TSPAN5: variants seen among roughly 807,000 people sequenced by gnomAD.
TSPAN5 encodes the protein tetraspanin 5, also known as tetraspanin-5.
In TSPAN5, 10 loss-of-function variants were observed where a neutral mutation model predicts 37.1. That is an observed-to-expected ratio of 0.27 (90% CI 0.17 to 0.46). TSPAN5 has a LOEUF of 0.46. Among genes scored for constraint, TSPAN5 ranks in the 20% least tolerant of loss-of-function variants. The pLI is 1.00. For synonymous variants in TSPAN5, 110 were observed against 118.9 expected (o/e 0.93, Z 0.48); for missense variants, 195 against 326.6 (o/e 0.60, Z 3.11).
rs1369407675 is a variant in TSPAN5, at chr4:98,593,925, C to T, written c.81+64221G>A. On this transcript the variant is annotated intron_variant, in intron 1 of 7. Coordinates refer to ENST00000305798, the MANE Select transcript of TSPAN5 (RefSeq NM_005723.4). Reference sequence around the variant, plus strand: ...TAGGATTGACTTGGCAATGTGGGCTCTTTTTTGATTCCATATGAACTTGAA... The same window carrying T: ...TAGGATTGACTTGGCAATGTGGGCTTTTTTTTGATTCCATATGAACTTGAA... 4.8e-5 allele frequency among the ~76,000 whole-genome samples: 3 copies of T among 62,414 alleles called. 1 individual carries two copies. Among genetic ancestry groups the T allele is most frequent in the Non-Finnish European group, 8.6e-5 (3 of 34,758 alleles). The allele number at this position is 62,414 out of a possible 152,430, so 40.9% of individuals were successfully genotyped here.
intron 1 of TSPAN5, among the ~76,000 whole-genome samples, chr4:98,560,886 G>T (rs7667273): frequency 0.13 from 19,230 of 152,210 alleles, 1,418 homozygotes; most frequent in South Asian, 0.24. Context: ...AGTGGCAAAT[G>T]TTGCAAATAT....
chr4:98,527,988 T>C (rs1010440851), intron 1 of TSPAN5, among the ~76,000 whole-genome samples: 11 of 152,216 alleles, frequency 7.2e-5, no homozygotes, highest in African/African-American at 2.7e-4. Flanking sequence ...CTCTTTTCTG[T>C]TGAAAGCATC....
At chr4:98,516,988 T>C (rs1753745225) in intron 1 of TSPAN5, among the ~76,000 whole-genome samples, 2 of 152,188 alleles carry the variant, frequency 1.3e-5, no homozygotes, top group South Asian at 4.1e-4. Flanking sequence ...AGTAAATGTC[T>C]CTTCTTTATA....
At chr4:98,585,912 T>C (rs890323868) in intron 1 of TSPAN5, among the ~76,000 whole-genome samples, 1 of 152,236 alleles carries the variant, frequency 6.6e-6, no homozygotes, top group Non-Finnish European at 1.5e-5. Flanking sequence ...AGGCTACATA[T>C]TCAGGTGGGA....
At position 98,642,593 on chromosome 4, in the gene TSPAN5, C is replaced by CT. The variant is rs953823613; in HGVS notation, c.81+15552dup. Among the ~76,000 whole-genome samples the CT allele has an allele frequency of 5.9e-4, 89 of 151,442 alleles. 1 individual carries two copies. The highest frequency in any genetic ancestry group is 1.3e-4 in the Admixed American group (2 of 15,200). On this transcript the variant is annotated intron_variant, in intron 1 of 7. Coordinates refer to ENST00000305798, the MANE Select transcript of TSPAN5 (RefSeq NM_005723.4). The stretch of plus-strand genomic sequence containing the variant: ...TGATACGGTCATTTAGGTAGTTTCT[C>CT]TTTTTTTTTCTCCAAAGAGAGCACA...
At chr4:98,531,818 A>T (rs952777395) in intron 1 of TSPAN5, among the ~76,000 whole-genome samples, 4 of 152,208 alleles carry the variant, frequency 2.6e-5, no homozygotes, top group Non-Finnish European at 5.9e-5. Flanking sequence ...ACCAATAATG[A>T]TGAGCTTTTT....
intron 4 of TSPAN5, among the ~76,000 whole-genome samples, chr4:98,479,236 T>A (rs1308285198): frequency 6.6e-6 from 1 of 152,234 alleles, no homozygotes; most frequent in Non-Finnish European, 1.5e-5. Context: ...AGCTTACTTT[T>A]TCAAAGTTTT....
intron 1 of TSPAN5, among the ~76,000 whole-genome samples, chr4:98,532,971 G>C (rs1487837441): frequency 3.3e-5 from 5 of 152,160 alleles, no homozygotes; most frequent in Non-Finnish European, 7.3e-5. Context: ...CACTGGTTCT[G>C]TTTATGTGAT....
At chr4:98,554,180 A>T (rs1350675972) in intron 1 of TSPAN5, among the ~76,000 whole-genome samples, 2 of 152,232 alleles carry the variant, frequency 1.3e-5, no homozygotes, top group African/African-American at 2.4e-5. Flanking sequence ...TCCATTTTAT[A>T]CTTGAACAAT....
intron 4 of TSPAN5, among the ~76,000 whole-genome samples, chr4:98,479,879 T>A (rs1468200981): frequency 6.6e-6 from 1 of 152,236 alleles, no homozygotes; most frequent in Non-Finnish European, 1.5e-5. Flanking sequence ...TATACTGTAC[T>A]TTTGCATACA....
chr4:98,500,511 T>G (rs1753320640), intron 2 of TSPAN5, among the ~76,000 whole-genome samples: 1 of 151,996 alleles, frequency 6.6e-6, no homozygotes, highest in East Asian at 1.9e-4. Flanking sequence ...GCGTAGTGAG[T>G]GCAATGGAGG....
chr4:98,545,945 A>G (rs1035258751), intron 1 of TSPAN5, among the ~76,000 whole-genome samples: 1 of 152,118 alleles, frequency 6.6e-6, no homozygotes, highest in African/African-American at 2.4e-5. Context: ...TTAATAGCAA[A>G]CATTTGTTAA....
chr4:98,545,290 C>G (rs764773762), intron 1 of TSPAN5, among the ~76,000 whole-genome samples: 2 of 152,208 alleles, frequency 1.3e-5, no homozygotes, highest in Non-Finnish European at 2.9e-5. Flanking sequence ...AGAAAAACTG[C>G]TGATACCTTC....
At position 98,630,440 on chromosome 4, in the gene TSPAN5, G is replaced by A. The variant is rs565677098; in HGVS notation, c.81+27706C>T. 1.1e-4 allele frequency among the ~76,000 whole-genome samples: 16 copies of A among 152,260 alleles called. No homozygotes were observed. In the South Asian group the frequency reaches 3.3e-3, roughly 32 times the overall value. On this transcript the variant is annotated intron_variant, in intron 1 of 7. Transcript: ENST00000305798. The stretch of plus-strand genomic sequence containing the variant: ...CGTTTATGTGTGTATTTATTTATAT[G>A]TTTTTCCTCCATTGGACTGAGAGCT...
chr4:98,485,112 TAAAAA>T (rs34892296), intron 3 of TSPAN5: 41 of 145,928 alleles, frequency 2.8e-4, no homozygotes, highest in Non-Finnish European at 4.6e-4. Flanking sequence ...AAACTCCATC[TAAAAA>T]AAAAAAAAAA....
chr4:98,588,058 G>A (rs1483332925), intron 1 of TSPAN5, among the ~76,000 whole-genome samples: 2 of 151,932 alleles, frequency 1.3e-5, no homozygotes, highest in Non-Finnish European at 2.9e-5. Flanking sequence ...ACCCGTCGTC[G>A]GCCATCCTCC....
At chr4:98,613,242 A>C (rs1021851014) in intron 1 of TSPAN5, among the ~76,000 whole-genome samples, 6 of 152,166 alleles carry the variant, frequency 3.9e-5, no homozygotes, top group Admixed American at 3.9e-4. Flanking sequence ...CTGAAATACC[A>C]AGTAAATCAC....
intron 1 of TSPAN5, among the ~76,000 whole-genome samples, chr4:98,619,201 C>T (rs569196634): frequency 6.6e-6 from 1 of 152,322 alleles, no homozygotes; most frequent in African/African-American, 2.4e-5. Flanking sequence ...TTCTGCTTAT[C>T]TCTTTTGGGA....
intron 1 of TSPAN5, among the ~76,000 whole-genome samples, chr4:98,569,949 C>G (rs1755084384): frequency 6.6e-6 from 1 of 152,074 alleles, no homozygotes; most frequent in African/African-American, 2.4e-5. Flanking sequence ...CTTACATGGT[C>G]CAGTGGTGTT....
Sources: gnomAD v4.1 joint callset for allele counts (sites outside exome capture counted in the v4.1 genomes callset) on GRCh38, gnomAD v4.1.1 for gene constraint, MANE v1.5 for transcripts, NCBI Gene and HGNC (gene_info 2026-07-23, HGNC 2026-07-21) for gene names.